Variants in CSMD3 observed in about 807,000 individuals in gnomAD.
CSMD3 encodes CUB and Sushi multiple domains 3, also known as CUB and sushi domain-containing protein 3.
Under a neutral mutation model 435.2 loss-of-function variants are expected in CSMD3, and 177 were observed. The observed-to-expected ratio is 0.41, with a 90% CI of 0.36 to 0.46. The LOEUF (loss-of-function observed/expected upper bound fraction) is 0.46. CSMD3 is among the 20% of genes least tolerant of loss of function. The probability of loss-of-function intolerance (pLI) is 0.34; values close to 1 mark genes in which losing one functional copy is unlikely to be tolerated. For synonymous variants in CSMD3, 1,656 were observed against 1,520.5 expected (o/e 1.09, Z -2.07); for missense variants, 4,265 against 4,504.6 (o/e 0.95, Z 1.52).
chr8:112,511,517 G>A (rs1163905839), intron 28 of CSMD3, among the ~76,000 whole-genome samples: 1 of 150,728 alleles, frequency 6.6e-6, no homozygotes, highest in Non-Finnish European at 1.5e-5. Context: ...AGCCTCCTGA[G>A]TAGCTGGGAC....
chr8:112,813,193 G>C (rs1425661053), intron 12 of CSMD3, among the ~76,000 whole-genome samples: 1 of 152,174 alleles, frequency 6.6e-6, no homozygotes, highest in Non-Finnish European at 1.5e-5. Context: ...ATTGAGCAGA[G>C]TGAAAGTACA....
intron 22 of CSMD3, among the ~76,000 whole-genome samples, chr8:112,605,337 C>T (rs1832704179): frequency 6.6e-6 from 1 of 152,008 alleles, no homozygotes; most frequent in Non-Finnish European, 1.5e-5. Flanking sequence ...TACATATGTT[C>T]ATTGCACTAT....
At chr8:113,408,695 T>C (rs2094544028) in intron 1 of CSMD3, among the ~76,000 whole-genome samples, 1 of 151,428 alleles carries the variant, frequency 6.6e-6, no homozygotes, top group Non-Finnish European at 1.5e-5. Flanking sequence ...GCTCGCTCTG[T>C]TGTTCAGGTT....
At chr8:112,390,390 A>G (rs578208049) in intron 36 of CSMD3, among the ~76,000 whole-genome samples, 3 of 152,184 alleles carry the variant, frequency 2.0e-5, no homozygotes, top group Non-Finnish European at 4.4e-5. Flanking sequence ...GGAAAGACAC[A>G]CTGAACCCCT....
intron 5 of CSMD3, among the ~76,000 whole-genome samples, chr8:113,093,832 C>A (rs2090081210): frequency 6.6e-6 from 1 of 152,052 alleles, no homozygotes; most frequent in Admixed American, 6.6e-5. Flanking sequence ...TACCTTATTG[C>A]ATTCTTAATT....
intron 3 of CSMD3, among the ~76,000 whole-genome samples, chr8:113,187,659 C>T (rs2092527363): frequency 1.3e-5 from 2 of 151,880 alleles, no homozygotes; most frequent in African/African-American, 4.8e-5. Context: ...TTGTTTTTCT[C>T]TAACATTTTA....
At chr8:112,855,078 T>C (rs10955635) in intron 11 of CSMD3, among the ~76,000 whole-genome samples, 76,453 of 152,024 alleles carry the variant, frequency 0.5, 19,781 homozygotes, top group East Asian at 0.79. Flanking sequence ...ATTAATTTTA[T>C]GCCAAATGCA....
chr8:112,670,972 G>T (rs1310117268), intron 16 of CSMD3, among the ~76,000 whole-genome samples: 1 of 152,066 alleles, frequency 6.6e-6, no homozygotes, highest in Non-Finnish European at 1.5e-5. Context: ...AATTAAGTAG[G>T]TATTGTCCAA....
At position 112,455,050 on chromosome 8, in the gene CSMD3, A is replaced by G. The variant is rs142644873; in HGVS notation, c.5395+17541T>C. Among the ~76,000 whole-genome samples, 1,003 of 152,038 alleles carry G rather than the reference A, an allele frequency of 6.6e-3. 13 individuals are homozygous for G. The highest frequency in any genetic ancestry group is 0.023 in the African/African-American group (944 of 41,476). On this transcript the variant is annotated intron_variant, in intron 32 of 70. Transcript: ENST00000297405. ...ATATTAAAAAAAAAAAAACCAACCAATAAACACAACTACCATTTGACCCAG... is the reference window on the plus strand; with the variant it reads ...ATATTAAAAAAAAAAAAACCAACCAGTAAACACAACTACCATTTGACCCAG...
At chr8:113,255,097 A>G (rs1301884759) in intron 3 of CSMD3, among the ~76,000 whole-genome samples, 2 of 152,180 alleles carry the variant, frequency 1.3e-5, no homozygotes, top group African/African-American at 4.8e-5. Context: ...TTTAAATGGA[A>G]GTACCAAGAT....
chr8:112,339,621 T>C (rs1295481198), intron 42 of CSMD3, among the ~76,000 whole-genome samples: 1 of 152,162 alleles, frequency 6.6e-6, no homozygotes, highest in Non-Finnish European at 1.5e-5. Context: ...CTTGTACCGG[T>C]GACAACAGGA....
chr8:112,581,218 T>C (rs1830313220), intron 23 of CSMD3, among the ~76,000 whole-genome samples: 1 of 152,016 alleles, frequency 6.6e-6, no homozygotes, highest in Non-Finnish European at 1.5e-5. Context: ...AAATCTGGAG[T>C]AATTTTTTCA....
intron 7 of CSMD3, among the ~76,000 whole-genome samples, chr8:112,972,787 G>A (rs1381519674): frequency 2.6e-5 from 4 of 151,880 alleles, no homozygotes; most frequent in South Asian, 2.1e-4. Flanking sequence ...TACTGAAAAT[G>A]CAGCATGAAT....
chr8:112,657,060 A>G (rs984382493), intron 17 of CSMD3, among the ~76,000 whole-genome samples: 1 of 137,928 alleles, frequency 7.3e-6, no homozygotes, highest in East Asian at 2.0e-4. Context: ...TTTTCTTTTT[A>G]CTTTTTTTTT....
intron 31 of CSMD3, among the ~76,000 whole-genome samples, chr8:112,482,759 G>C (rs572411493): frequency 6.6e-6 from 1 of 152,266 alleles, no homozygotes; most frequent in Admixed American, 6.5e-5. Context: ...AAAGGGAAAA[G>C]CGCTCTTTAA....
intron 4 of CSMD3, among the ~76,000 whole-genome samples, chr8:113,150,961 G>C (rs937031368): frequency 6.6e-6 from 1 of 151,800 alleles, no homozygotes; most frequent in Admixed American, 6.6e-5. Flanking sequence ...AAAATGTGCA[G>C]AAAATATAGG....
At chr8:112,989,669 T>C (rs745838975) in intron 6 of CSMD3, among the ~76,000 whole-genome samples, 1 of 151,822 alleles carries the variant, frequency 6.6e-6, no homozygotes, top group Non-Finnish European at 1.5e-5. Flanking sequence ...AGAGATGGAG[T>C]CTATTTCCCA....
chr8:112,934,040 G>T (rs2083201754), intron 9 of CSMD3, among the ~76,000 whole-genome samples: 1 of 151,952 alleles, frequency 6.6e-6, no homozygotes, highest in South Asian at 2.1e-4. Context: ...TTTTATCTAG[G>T]GTTTAGCCCA....
chr8:112,687,980 G>A (rs900140530), intron 14 of CSMD3, among the ~76,000 whole-genome samples: 1 of 152,002 alleles, frequency 6.6e-6, no homozygotes, highest in African/African-American at 2.4e-5. Context: ...CTAAATTAAG[G>A]GTCGGAAATC....
Sources: allele counts gnomAD v4.1 joint callset (sites outside exome capture counted in the v4.1 genomes callset), GRCh38; gene constraint gnomAD v4.1.1; transcripts MANE v1.5; gene names NCBI Gene and HGNC (gene_info 2026-07-23, HGNC 2026-07-21).